The following ME1 variants were observed in gnomAD, a reference collection of about 807,000 sequenced individuals.
ME1 encodes the protein NADP-dependent malic enzyme.
Under a neutral mutation model 66.4 loss-of-function variants are expected in ME1, and 74 were observed. The ratio of observed to expected loss-of-function variants is 1.11; its 90% confidence interval spans 0.92 to 1.35. The LOEUF is 1.35. ME1 is among the 40% of genes most tolerant of loss of function. ME1 has a pLI of 0.00. For missense variants in ME1, 750 were observed against 694.1 expected (o/e 1.08, Z -0.90); for synonymous variants, 251 against 235.6 (o/e 1.07, Z -0.60).
chr6:83,246,345 C>CA (rs1047525075), intron 7 of ME1, among the ~76,000 whole-genome samples: 3 of 151,894 alleles, frequency 2.0e-5, no homozygotes, highest in East Asian at 1.9e-4. Context: ...CAGATAAAGA[C>CA]AAAAAAAGTC....
chr6:83,375,789 A>G (rs1025414771), intron 3 of ME1, among the ~76,000 whole-genome samples: 2 of 152,162 alleles, frequency 1.3e-5, no homozygotes, highest in African/African-American at 4.8e-5. Context: ...GTTTGTTGAG[A>G]GTTTTTAACA....
chr6:83,290,021 T>A (rs188941449), intron 6 of ME1, among the ~76,000 whole-genome samples: 5 of 152,230 alleles, frequency 3.3e-5, no homozygotes, highest in African/African-American at 1.2e-4. Context: ...TTCTTCCCTC[T>A]TTTATCCTTT....
intron 6 of ME1, among the ~76,000 whole-genome samples, chr6:83,271,686 C>T (rs573588561): frequency 4.6e-5 from 7 of 151,762 alleles, no homozygotes; most frequent in South Asian, 2.1e-4. Flanking sequence ...GCAATAAAGG[C>T]GAATACAGAT....
intron 9 of ME1, among the ~76,000 whole-genome samples, chr6:83,232,579 T>C (rs1241335636): frequency 6.6e-6 from 1 of 152,064 alleles, no homozygotes; most frequent in Non-Finnish European, 1.5e-5. Context: ...CTATTTGAAA[T>C]AAAAAAGAGG....
intron 6 of ME1, among the ~76,000 whole-genome samples, chr6:83,313,405 A>G (rs1489773281): frequency 6.6e-6 from 1 of 152,138 alleles, no homozygotes; most frequent in Non-Finnish European, 1.5e-5. Flanking sequence ...TAAAAAAAAA[A>G]CAGTTTTCTT....
At chr6:83,379,761 G>A (rs943031681) in intron 3 of ME1, among the ~76,000 whole-genome samples, 44 of 151,954 alleles carry the variant, frequency 2.9e-4, no homozygotes, top group Admixed American at 2.4e-3. Flanking sequence ...CTGTAATCAC[G>A]TTTCAAACTA....
rs144798520 is a variant in ME1 at position 83,292,338 on chromosome 6, C to T, written c.704+22972G>A. On this transcript the variant is annotated intron_variant, in intron 6 of 13. Transcript: ENST00000369705. Reference sequence around the variant, plus strand: ...CCTTCTTGTTGATGTTGATGCTATTCCTTTCTGTTTGTTAGTTTTCCTTCT... The same window carrying T: ...CCTTCTTGTTGATGTTGATGCTATTTCTTTCTGTTTGTTAGTTTTCCTTCT... Among the ~76,000 whole-genome samples, 999 of 152,276 alleles carry T rather than the reference C, an allele frequency of 6.6e-3. 10 individuals carry two copies. Among genetic ancestry groups the T allele is most frequent in the African/African-American group, 0.023 (946 of 41,562 alleles).
At chr6:83,355,160 G>C (rs984449046) in intron 3 of ME1, among the ~76,000 whole-genome samples, 7 of 152,030 alleles carry the variant, frequency 4.6e-5, no homozygotes, top group Admixed American at 1.3e-4. Context: ...AAATCAGCAG[G>C]ATCTCAATAA....
At chr6:83,298,219 C>A (rs1350635045) in intron 6 of ME1, among the ~76,000 whole-genome samples, 1 of 152,138 alleles carries the variant, frequency 6.6e-6, no homozygotes, top group East Asian at 1.9e-4. Context: ...GCCTCACCAG[C>A]ATCTGTTGTT....
At chr6:83,251,082 T>A (rs572943569) in intron 7 of ME1, among the ~76,000 whole-genome samples, 3 of 152,200 alleles carry the variant, frequency 2.0e-5, no homozygotes, top group Admixed American at 1.3e-4. Context: ...TTAAATACTT[T>A]CTGTGGGCTT....
intron 3 of ME1, among the ~76,000 whole-genome samples, chr6:83,365,003 C>T (rs574696723): frequency 5.3e-5 from 8 of 152,308 alleles, no homozygotes; most frequent in African/African-American, 1.9e-4. Flanking sequence ...CCCACTGGGG[C>T]TCTGTCACCT....
chr6:83,333,811 T>G (rs898240059), intron 5 of ME1, among the ~76,000 whole-genome samples: 7 of 152,224 alleles, frequency 4.6e-5, no homozygotes, highest in Non-Finnish European at 1.0e-4. Context: ...AAACATATTT[T>G]GCTTAATAAA....
chr6:83,346,245 T>C lies in ME1; in HGVS notation c.528A>G (p.Leu176=). ...GATTCATCCCTCCGCAAGCTGTATATAGAGCCAATTTACCCACAGGGATGC... is the reference window on the plus strand; with the variant it reads ...GATTCATCCCTCCGCAAGCTGTATACAGAGCCAATTTACCCACAGGGATGC... ...GMGIPVGKLA[L]YTACGGMNPQ... Residue 176 remains leucine, a synonymous_variant, in exon 5 of 14, where the codon CTA becomes CTG. Transcript: ENST00000369705. 6.2e-7 allele frequency: 1 copy of C among 1,613,742 alleles called. No homozygotes were observed. Among genetic ancestry groups the C allele is most frequent in the African/African-American group, 1.3e-5 (1 of 75,016 alleles).
intron 6 of ME1, among the ~76,000 whole-genome samples, chr6:83,291,994 A>G (rs1767512950): frequency 6.6e-6 from 1 of 151,840 alleles, no homozygotes; most frequent in South Asian, 2.1e-4. Flanking sequence ...TCTTCTCTAC[A>G]CTGGTAATTC....
intron 9 of ME1, among the ~76,000 whole-genome samples, chr6:83,231,572 A>T (rs1163922497): frequency 2.0e-5 from 3 of 152,218 alleles, no homozygotes; most frequent in Non-Finnish European, 2.9e-5. Flanking sequence ...ACCTTTTCTA[A>T]ATCCGGTAAT....
Position 83,216,638 on chromosome 6 carries a change from C to T in ME1, c.1450-42G>A, listed in dbSNP as rs370159373. On this transcript the variant is annotated intron_variant, in intron 12 of 13. Transcript: ENST00000369705. Reference sequence around the variant, plus strand: ...AGAAAAAAAGTGTTTATACTTCACACGATACAATGTGGTGGGTACGCCAAT... The same window carrying T: ...AGAAAAAAAGTGTTTATACTTCACATGATACAATGTGGTGGGTACGCCAAT... The T allele has an allele frequency of 3.5e-4, 470 of 1,350,662 alleles. 1 individual carries two copies. Among genetic ancestry groups the T allele is most frequent in the South Asian group, 5.2e-4 (42 of 80,432 alleles). 83.7% of individuals were successfully genotyped at this position (1,350,662 alleles called of 1,614,324 possible). A position where few individuals can be genotyped will look rare whatever the true frequency, so the allele number is the denominator to read the frequency against.
chr6:83,427,461 G>A (rs1327500111), intron 1 of ME1, among the ~76,000 whole-genome samples: 1 of 152,026 alleles, frequency 6.6e-6, no homozygotes, highest in Non-Finnish European at 1.5e-5. Flanking sequence ...CAACTTTTCT[G>A]ACTACATTTC....
chr6:83,392,137 G>C (rs1769633694), intron 3 of ME1, among the ~76,000 whole-genome samples: 1 of 152,228 alleles, frequency 6.6e-6, no homozygotes, highest in Non-Finnish European at 1.5e-5. Flanking sequence ...ACAGACAGCT[G>C]CATCTTCTCG....
At chr6:83,280,475 A>G (rs1767267071) in intron 6 of ME1, among the ~76,000 whole-genome samples, 1 of 152,204 alleles carries the variant, frequency 6.6e-6, no homozygotes, top group Non-Finnish European at 1.5e-5. Flanking sequence ...CATTTTTTAA[A>G]AACAAGTATA....
Sources: gnomAD v4.1 joint callset for allele counts (sites outside exome capture counted in the v4.1 genomes callset) on GRCh38, gnomAD v4.1.1 for gene constraint, MANE v1.5 for transcripts, NCBI Gene and HGNC (gene_info 2026-07-23, HGNC 2026-07-21) for gene names.